Variants in PHKB observed in about 807,000 individuals in gnomAD.
PHKB encodes the protein phosphorylase kinase regulatory subunit beta, also known as phosphorylase b kinase regulatory subunit beta.
PHKB carries 122 observed loss-of-function variants against 152.1 expected under a neutral mutation model. The ratio of observed to expected loss-of-function variants is 0.80; its 90% CI spans 0.69 to 0.93. The LOEUF is 0.93. Among genes scored for constraint, PHKB ranks in the 40% least tolerant of loss-of-function variants. PHKB has a pLI of 0.00. For missense variants in PHKB, 1,304 were observed against 1,328.4 expected (o/e 0.98, Z 0.29); for synonymous variants, 436 against 464.9 (o/e 0.94, Z 0.80).
At chr16:47,470,499 T>C (rs1019889428) in intron 1 of PHKB, among the ~76,000 whole-genome samples, 3 of 152,236 alleles carry the variant, frequency 2.0e-5, no homozygotes, top group Admixed American at 1.3e-4. Flanking sequence ...CATGAACGTA[T>C]CGCAGTGCTG....
intron 1 of PHKB, among the ~76,000 whole-genome samples, chr16:47,461,877 T>C (rs1293328049): frequency 6.6e-6 from 1 of 152,232 alleles, no homozygotes; most frequent in African/African-American, 2.4e-5. Flanking sequence ...CCTTGCTTTA[T>C]GTCTTATATC....
At chr16:47,587,312 G>A (rs944276496) in intron 8 of PHKB, among the ~76,000 whole-genome samples, 4 of 151,914 alleles carry the variant, frequency 2.6e-5, no homozygotes, top group African/African-American at 7.3e-5. Context: ...TGTACAACTC[G>A]GATTTTATGA....
At chr16:47,581,801 C>G (rs1241869074) in intron 8 of PHKB, among the ~76,000 whole-genome samples, 1 of 152,064 alleles carries the variant, frequency 6.6e-6, no homozygotes, top group African/African-American at 2.4e-5. Flanking sequence ...TGCCTCGGAC[C>G]CCCGAGTAGC....
intron 5 of PHKB, among the ~76,000 whole-genome samples, chr16:47,515,034 G>C (rs1341902654): frequency 2.6e-5 from 4 of 152,030 alleles, no homozygotes; most frequent in Non-Finnish European, 5.9e-5. Flanking sequence ...ATTGTTTATG[G>C]GGTACTGGCA....
intron 7 of PHKB, among the ~76,000 whole-genome samples, chr16:47,578,207 G>T (rs967985363): frequency 1.3e-5 from 2 of 151,988 alleles, no homozygotes; most frequent in African/African-American, 4.8e-5. Flanking sequence ...CTGGTTTTTT[G>T]ATTTGTTTCA....
intron 2 of PHKB, among the ~76,000 whole-genome samples, chr16:47,498,336 G>A (rs1970267746): frequency 6.6e-6 from 1 of 152,048 alleles, no homozygotes; most frequent in African/African-American, 2.4e-5. Flanking sequence ...TTTTACACTG[G>A]GAAAAATAAT....
At chr16:47,538,264 C>T (rs1970988819) in intron 6 of PHKB, among the ~76,000 whole-genome samples, 1 of 152,138 alleles carries the variant, frequency 6.6e-6, no homozygotes, top group African/African-American at 2.4e-5. Flanking sequence ...ATCTAAATAA[C>T]TTTGAAGACC....
At chr16:47,494,275 A>C (rs1970197651) in intron 1 of PHKB, among the ~76,000 whole-genome samples, 1 of 152,252 alleles carries the variant, frequency 6.6e-6, no homozygotes, top group Admixed American at 6.5e-5. Context: ...GTGGAAGCAT[A>C]GATAGAAGCT....
chr16:47,556,663 C>T (rs1360296766), intron 7 of PHKB, among the ~76,000 whole-genome samples: 4 of 152,130 alleles, frequency 2.6e-5, no homozygotes, highest in Admixed American at 6.5e-5. Context: ...CTGCTGGATT[C>T]GGTTTGCCAG....
intron 2 of PHKB, 147 bp from the exon 3 acceptor site, chr16:47,499,609 T>C (rs986289887): frequency 5.5e-6 from 5 of 914,662 alleles, no homozygotes; most frequent in Non-Finnish European, 8.9e-6. Context: ...TGAAGTTGTT[T>C]CCACATCTTC....
intron 14 of PHKB, among the ~76,000 whole-genome samples, chr16:47,617,384 A>C (rs997095640): frequency 6.6e-6 from 1 of 151,776 alleles, no homozygotes; most frequent in African/African-American, 2.4e-5. Flanking sequence ...CTCTATGTAT[A>C]TGAAAACCTT....
At chr16:47,685,745 C>CT (rs543342166) in intron 26 of PHKB, among the ~76,000 whole-genome samples, 2,387 of 139,544 alleles carry the variant, frequency 0.017, 48 homozygotes, top group African/African-American at 0.041. Context: ...TTTTCTTTTT[C>CT]TTTTTTTTTT....
At chr16:47,550,712 G>A (rs570174978) in intron 7 of PHKB, among the ~76,000 whole-genome samples, 9 of 152,136 alleles carry the variant, frequency 5.9e-5, no homozygotes, top group Admixed American at 5.9e-4. Context: ...TGGCTGTTAC[G>A]AGGATGATCC....
intron 10 of PHKB, among the ~76,000 whole-genome samples, chr16:47,590,107 C>T (rs1972003014): frequency 6.6e-6 from 1 of 152,036 alleles, no homozygotes; most frequent in African/African-American, 2.4e-5. Flanking sequence ...ATTTTGTATG[C>T]ATGGGCATAA....
chr16:47,496,589 A>T (rs1485590202), intron 1 of PHKB, among the ~76,000 whole-genome samples: 1 of 152,052 alleles, frequency 6.6e-6, no homozygotes, highest in African/African-American at 2.4e-5. Context: ...TGACCTTGAG[A>T]TGTTTATAAT....
Position 47,699,402 on chromosome 16 carries a change from T to C in PHKB, c.*36T>C. 6.2e-7 allele frequency: 1 copy of C among 1,610,742 alleles called. No homozygotes were observed. The highest frequency in any genetic ancestry group is 1.1e-5 in the South Asian group (1 of 91,020). ...GTAGGAAGCTCTGTTGAGACACATG[T>C]TCTGAAGTGTGTTGTGTTTCATGTT... On this transcript the variant is annotated 3_prime_UTR_variant, in exon 31 of 31. Transcript: ENST00000323584.
chr16:47,492,698 A>C (rs1423834296), intron 1 of PHKB, among the ~76,000 whole-genome samples: 2 of 152,158 alleles, frequency 1.3e-5, no homozygotes, highest in African/African-American at 4.8e-5. Context: ...AATGCCATGG[A>C]GACTGAGGCT....
chr16:47,546,579 A>G (rs966043066), intron 6 of PHKB, among the ~76,000 whole-genome samples: 2 of 152,176 alleles, frequency 1.3e-5, no homozygotes, highest in African/African-American at 2.4e-5. Context: ...CCACTTGAGG[A>G]GGCAGTTTGT....
intron 1 of PHKB, among the ~76,000 whole-genome samples, 186 bp downstream of exon 1, chr16:47,461,612 A>C (rs1328220594): frequency 6.6e-6 from 1 of 152,212 alleles, no homozygotes; most frequent in Non-Finnish European, 1.5e-5. Flanking sequence ...ATTAGGTGGC[A>C]GAGCCAGCTC....
Sources: allele counts gnomAD v4.1 joint callset (sites outside exome capture counted in the v4.1 genomes callset), GRCh38; gene constraint gnomAD v4.1.1; transcripts MANE v1.5; gene names NCBI Gene and HGNC (gene_info 2026-07-23, HGNC 2026-07-21).